The following NIBAN1 variants were observed in gnomAD, a reference collection of about 807,000 sequenced individuals.
NIBAN1 encodes the protein protein Niban 1.
In NIBAN1, 81 loss-of-function variants were observed where a neutral mutation model predicts 75.1. That is an observed-to-expected ratio of 1.08 (90% CI 0.90 to 1.30). NIBAN1 has a LOEUF of 1.30. Ranked by LOEUF, NIBAN1 falls within the 50% of genes most tolerant of loss-of-function variation. The probability of loss-of-function intolerance (pLI) is 0.00; values close to 1 mark genes in which losing one functional copy is unlikely to be tolerated. For missense variants in NIBAN1, 1,133 were observed against 1,128.1 expected, an observed-to-expected ratio of 1.00 and a Z score of -0.06; for synonymous variants, 436 against 424.8, an observed-to-expected ratio of 1.03 and a Z score of -0.32.
Position 184,890,236 on chromosome 1 carries a change from G to A in NIBAN1, c.319-14C>T, listed in dbSNP as rs753477029. The A allele has an allele frequency of 1.9e-6, 3 of 1,571,804 alleles. No individual in the cohort carries two copies. On this transcript the variant is annotated splice_polypyrimidine_tract_variant and intron_variant, in intron 3 of 13. Coordinates refer to ENST00000367511, the MANE Select transcript of NIBAN1 (RefSeq NM_052966.4). ...TCTCTGATAGGCCTGGGGAGGGAAA[G>A]GCACACAGGAATGATATCTTTTTCC...
At chr1:184,904,338 T>G (rs1657032977) in intron 1 of NIBAN1, among the ~76,000 whole-genome samples, 1 of 152,206 alleles carries the variant, frequency 6.6e-6, no homozygotes, top group Non-Finnish European at 1.5e-5. Flanking sequence ...TAAATTTTTT[T>G]TCTTTATAAA....
In NIBAN1 at chr1:184,831,836, C is replaced by T. The variant is rs1023689065; in HGVS notation, c.717+11G>A. 6 of 1,601,660 alleles carry T rather than the reference C, an allele frequency of 3.7e-6. 1 individual carries two copies. In the South Asian group the frequency reaches 5.5e-5, roughly 15 times the overall value. On this transcript the variant is annotated intron_variant, in intron 6 of 13. Transcript: ENST00000367511. ...CACAGAGAGAATCCAAAATTTTGAA[C>T]CCCATATTACCTGGATTTCATCCCC... is the stretch of plus-strand genomic sequence containing the variant.
At chr1:184,929,647 C>T (rs1657772201) in intron 1 of NIBAN1, among the ~76,000 whole-genome samples, 1 of 151,928 alleles carries the variant, frequency 6.6e-6, no homozygotes, top group African/African-American at 2.4e-5. Flanking sequence ...TAAGATTTTC[C>T]CTCTGAAAGT....
intron 1 of NIBAN1, among the ~76,000 whole-genome samples, chr1:184,901,068 G>A (rs145119267): frequency 3.7e-4 from 56 of 152,176 alleles, no homozygotes; most frequent in African/African-American, 9.6e-4. Context: ...ATAGCAACCC[G>A]TTTCTAAGCC....
chr1:184,952,540 G>A (rs1036460340), intron 1 of NIBAN1, among the ~76,000 whole-genome samples: 1 of 152,176 alleles, frequency 6.6e-6, no homozygotes, highest in Non-Finnish European at 1.5e-5. Flanking sequence ...CATAAAATAT[G>A]CTAACACTAA....
intron 5 of NIBAN1, among the ~76,000 whole-genome samples, chr1:184,859,328 C>A (rs1338554467): frequency 6.6e-6 from 1 of 152,116 alleles, no homozygotes; most frequent in Non-Finnish European, 1.5e-5. Context: ...ATACATCTGT[C>A]CAGCAAATAC....
intron 5 of NIBAN1, among the ~76,000 whole-genome samples, chr1:184,872,706 T>A (rs1194229412): frequency 3.5e-5 from 5 of 142,118 alleles, no homozygotes; most frequent in Non-Finnish European, 7.9e-5. Flanking sequence ...AAACTCTGTA[T>A]CAAATTAAAA....
chr1:184,893,267 G>A (rs1656718559), intron 3 of NIBAN1, among the ~76,000 whole-genome samples: 1 of 151,942 alleles, frequency 6.6e-6, no homozygotes, highest in African/African-American at 2.4e-5. Flanking sequence ...AGGACTGAAG[G>A]CAAGAAGTCA....
chr1:184,856,166 TTAAATA>T (rs1287253883), intron 5 of NIBAN1, among the ~76,000 whole-genome samples: 6 of 152,196 alleles, frequency 3.9e-5, no homozygotes, highest in African/African-American at 1.4e-4. Flanking sequence ...ACTTCTCAAT[TTAAATA>T]TAAGTATTAA....
chr1:184,955,730 G>T (rs1658472469), intron 1 of NIBAN1, among the ~76,000 whole-genome samples: 1 of 152,156 alleles, frequency 6.6e-6, no homozygotes, highest in Non-Finnish European at 1.5e-5. Context: ...GAAATGTTAG[G>T]TTCAACATGT....
At chr1:184,852,042 G>A (rs1413272764) in intron 5 of NIBAN1, among the ~76,000 whole-genome samples, 1 of 152,132 alleles carries the variant, frequency 6.6e-6, no homozygotes, top group Non-Finnish European at 1.5e-5. Context: ...GGTGAGCAGA[G>A]ACTCACATGG....
At chr1:184,972,348 GA>G (rs1658961329) in intron 1 of NIBAN1, among the ~76,000 whole-genome samples, 2 of 152,200 alleles carry the variant, frequency 1.3e-5, no homozygotes, top group Admixed American at 6.5e-5. Flanking sequence ...ATAGGGCTAT[GA>G]TTTTACTCAG....
intron 2 of NIBAN1, among the ~76,000 whole-genome samples, chr1:184,894,584 G>A (rs147832419): frequency 6.6e-6 from 1 of 152,292 alleles, no homozygotes; most frequent in East Asian, 1.9e-4. Context: ...TACCTACCTG[G>A]ACACCCTGAA....
At position 184,818,781 on chromosome 1, in the gene NIBAN1, GCA is replaced by G; in HGVS notation, c.1028_1029del (p.Val343AlafsTer21). The G allele has an allele frequency of 1.2e-6, 2 of 1,609,628 alleles. No homozygotes were observed. Among genetic ancestry groups the G allele is most frequent in the Non-Finnish European group, 1.7e-6 (2 of 1,176,876 alleles). On this transcript the variant is annotated frameshift_variant, in exon 9 of 14. Coordinates refer to ENST00000367511, the MANE Select transcript of NIBAN1 (RefSeq NM_052966.4). LOFTEE classifies it high-confidence loss of function. Reference sequence around the variant, plus strand: ...TCCAGGATGGATGCCAGGAATGGCTGCACACTCTCCAAGCAGCTTTTCTCCGC... The same window carrying G: ...TCCAGGATGGATGCCAGGAATGGCTGCACTCTCCAAGCAGCTTTTCTCCGC... ...QPAEKSCLES[V>X]QPFLASILEE...
Position 184,796,053 on chromosome 1 carries a change from C to G in NIBAN1, c.1711G>C (p.Asp571His). ...CTTTCACTGGGCAAGGCCATGTTAT[C>G]TTCAAATAAGTTGTGTTTCTTCAAG... ...AILKKHNLFEDNMALPSESVS... is the reference protein window; with the variant it reads ...AILKKHNLFEHNMALPSESVS... The change falls in exon 14 of 14, where the codon GAT becomes CAT. Residue 571 changes from aspartate (D) to histidine (H), a missense_variant. Coordinates refer to ENST00000367511, the MANE Select transcript of NIBAN1 (RefSeq NM_052966.4). The G allele has an allele frequency of 6.3e-7, 1 of 1,580,736 alleles. No homozygotes were observed. The highest frequency in any genetic ancestry group is 8.6e-7 in the Non-Finnish European group (1 of 1,166,390).
At chr1:184,851,855 T>A (rs796116243) in intron 5 of NIBAN1, among the ~76,000 whole-genome samples, 105 of 141,156 alleles carry the variant, frequency 7.4e-4, no homozygotes, top group African/African-American at 2.7e-3. Context: ...TTTTTTTTTT[T>A]AACTAATCCT....
chr1:184,965,266 T>C (rs1377262152), intron 1 of NIBAN1, among the ~76,000 whole-genome samples: 1 of 150,846 alleles, frequency 6.6e-6, no homozygotes, highest in African/African-American at 2.4e-5. Context: ...GCCACTGCAC[T>C]CCAGCCTGGG....
intron 6 of NIBAN1, among the ~76,000 whole-genome samples, chr1:184,830,978 C>A (rs1426655585): frequency 2.1e-5 from 3 of 144,670 alleles, no homozygotes; most frequent in African/African-American, 7.9e-5. Flanking sequence ...CCAGCCTGGG[C>A]CACAGAGCGA....
chr1:184,843,565 C>T (rs1415303479), intron 5 of NIBAN1, among the ~76,000 whole-genome samples: 1 of 152,182 alleles, frequency 6.6e-6, no homozygotes, highest in Non-Finnish European at 1.5e-5. Flanking sequence ...TAATCTATCA[C>T]CCCGTGTGCC....
Sources: allele counts gnomAD v4.1 joint callset (sites outside exome capture counted in the v4.1 genomes callset), GRCh38; gene constraint gnomAD v4.1.1; transcripts MANE v1.5; gene names NCBI Gene and HGNC (gene_info 2026-07-23, HGNC 2026-07-21).